RUBCN: variants seen among roughly 807,000 people sequenced by gnomAD.
The protein encoded by RUBCN is run domain Beclin-1-interacting and cysteine-rich domain-containing protein.
A neutral mutation model predicts 113.2 loss-of-function variants in RUBCN; 74 were observed. The ratio of observed to expected loss-of-function variants is 0.65; its 90% CI spans 0.54 to 0.79. The LOEUF is 0.79. Ranked by LOEUF, RUBCN falls within the 30% of genes least tolerant of loss-of-function variation. The probability of loss-of-function intolerance (pLI) is 0.00; values close to 1 mark genes in which losing one functional copy is unlikely to be tolerated. For missense variants in RUBCN, 1,109 were observed against 1,251.7 expected (o/e 0.89, Z 1.72); for synonymous variants, 480 against 490.0 (o/e 0.98, Z 0.27).
chr3:197,721,793 TC>T (rs1428721617), intron 1 of RUBCN, among the ~76,000 whole-genome samples: 1 of 152,198 alleles, frequency 6.6e-6, no homozygotes, highest in African/African-American at 2.4e-5. Context: ...GTTTCCACTG[TC>T]ATTTGTCTCA....
chr3:197,742,759 T>C (rs977681406), intron 1 of RUBCN, among the ~76,000 whole-genome samples: 10 of 152,244 alleles, frequency 6.6e-5, no homozygotes, highest in African/African-American at 2.4e-4. Flanking sequence ...GAGGAATGCC[T>C]GAAGACCCGC....
At chr3:197,684,655 TATACATATATA>T (rs1257033893) in intron 11 of RUBCN, among the ~76,000 whole-genome samples, 5 of 151,682 alleles carry the variant, frequency 3.3e-5, no homozygotes, top group Middle Eastern at 3.5e-3. Flanking sequence ...CTTATATATA[TATACATATATA>T]TATACACACA....
At position 197,682,338 on chromosome 3, in the gene RUBCN, C is replaced by A. The variant is rs75774903; in HGVS notation, c.2126+132G>T. Reference sequence around the variant, plus strand: ...GAAGGACCAAATGGACGACGCCCCCCCTCTGCCTTTAAATGAAGAGAACGG... The same window carrying A: ...GAAGGACCAAATGGACGACGCCCCCACTCTGCCTTTAAATGAAGAGAACGG... On this transcript the variant is annotated intron_variant, in intron 14 of 19. Transcript: ENST00000296343. 63 of 1,070,286 alleles carry A rather than the reference C, an allele frequency of 5.9e-5. No homozygotes were observed. In the Middle Eastern group the frequency reaches 1.2e-3, roughly 20 times the overall value. The allele number at this position is 1,070,286 out of a possible 1,614,324, so 66.3% of individuals were successfully genotyped here.
chr3:197,676,414 A>G, intron 18 of RUBCN: 2 of 763,780 alleles, frequency 2.6e-6, no homozygotes, highest in Non-Finnish European at 3.3e-6. Flanking sequence ...CCTGGATTCA[A>G]GCAATTCTCC....
rs537509579 is a variant in RUBCN, at chr3:197,670,014, G to A, written c.*5004C>T. The stretch of plus-strand genomic sequence containing the variant: ...AGCAATTCTCCTGTCTCAACCTCGC[G>A]AGTAGCTGGGATTACAGGCGCCCGC... On this transcript the variant is annotated 3_prime_UTR_variant, in exon 20 of 20. Transcript: ENST00000296343. Among the ~76,000 whole-genome samples the A allele has an allele frequency of 1.3e-5, 2 of 152,240 alleles. No homozygotes were observed. The highest frequency in any genetic ancestry group is 4.8e-5 in the African/African-American group (2 of 41,534).
chr3:197,668,983 CG>C lies in RUBCN; in HGVS notation c.*6034del, dbSNP rs1174315355. Among the ~76,000 whole-genome samples, 1 of 151,896 alleles carries C rather than the reference CG, an allele frequency of 6.6e-6. No individual in the cohort carries two copies. Among genetic ancestry groups the C allele is most frequent in the East Asian group, 1.9e-4 (1 of 5,188 alleles). On this transcript the variant is annotated 3_prime_UTR_variant, in exon 20 of 20. Transcript: ENST00000296343. ...TCTAACAGAACCACACTAATTTTTA[CG>C]TATGTTTTCCTTATGTATTTTTTCT...
intron 1 of RUBCN, among the ~76,000 whole-genome samples, chr3:197,726,704 C>G (rs577094405): frequency 1.3e-4 from 20 of 150,216 alleles, no homozygotes; most frequent in African/African-American, 4.9e-4. Context: ...CCAAACCCAG[C>G]TAATTTTTGT....
rs1005685798 is a variant in RUBCN, at chr3:197,670,032, G to A, written c.*4986C>T. Among the ~76,000 whole-genome samples, 36 of 152,158 alleles carry A rather than the reference G, an allele frequency of 2.4e-4. No homozygotes were observed. The highest frequency in any genetic ancestry group is 2.9e-5 in the Non-Finnish European group (2 of 68,036). The stretch of plus-strand genomic sequence containing the variant: ...ACCTCGCGAGTAGCTGGGATTACAG[G>A]CGCCCGCCATCATGCCCAACTAGCT... On this transcript the variant is annotated 3_prime_UTR_variant, in exon 20 of 20. Transcript: ENST00000296343.
Position 197,681,881 on chromosome 3 carries a change from G to C in RUBCN, c.2145C>G (p.Ala715=), listed in dbSNP as rs1216016949. ...HPAPTRKIAV[A]KQNYRCAGCG... is the part of the protein sequence containing the mutation. ...ATCCTGCACAGCGGTAATTCTGCTTGGCCACGGCAATTTTCCTCCTGAGGA... is the reference window on the plus strand; with the variant it reads ...ATCCTGCACAGCGGTAATTCTGCTTCGCCACGGCAATTTTCCTCCTGAGGA... The change falls in exon 15 of 20, where the codon GCC becomes GCG. Residue 715 remains alanine, a synonymous_variant. Transcript: ENST00000296343. This position sits in a 1 kb window ranked among gnomAD's most constrained non-coding sequence, Gnocchi z 5.5. 1 of 1,613,864 alleles carries C rather than the reference G, an allele frequency of 6.2e-7. No homozygotes were observed. Among genetic ancestry groups the C allele is most frequent in the Admixed American group, 1.7e-5 (1 of 60,014 alleles).
rs943826370 is a variant in RUBCN, at chr3:197,701,078, A to C, written c.796T>G (p.Ser266Ala). 2 of 1,603,922 alleles carry C rather than the reference A, an allele frequency of 1.2e-6. No homozygotes were observed. The highest frequency in any genetic ancestry group is 2.7e-5 in the African/African-American group (2 of 74,742). ...TGGATGGTTTGATCCTCTGCTGGTG[A>C]GACGTGCCCTCTGCTTTCTTGAGGT... ...RKPQESRGHV[S>A]PAEDQTIQAP... Residue 266 changes from serine to alanine, a missense_variant, in exon 7 of 20, where the codon TCA (serine) becomes GCA (alanine). Physicochemically the swap from Ser to Ala is moderately conservative, Grantham distance 99. Transcript: ENST00000296343.
Position 197,675,397 on chromosome 3 carries a change from G to T in RUBCN, c.2740+25C>A. The T allele has an allele frequency of 6.3e-7, 1 of 1,593,626 alleles. No individual in the cohort carries two copies. The highest frequency in any genetic ancestry group is 8.6e-7 in the Non-Finnish European group (1 of 1,162,156). ...AGGAGCCCTGTGTTCAGGCTCACTT[G>T]CCCGATGCCTGCACCTGCCCTCACC... is the stretch of plus-strand genomic sequence containing the variant. On this transcript the variant is annotated intron_variant, in intron 19 of 19. Transcript: ENST00000296343. The surrounding 1 kb of genome is among the most constrained non-coding windows in gnomAD (Gnocchi z 4.4).
intron 7 of RUBCN, among the ~76,000 whole-genome samples, chr3:197,699,854 G>A (rs1723440827): frequency 6.6e-6 from 1 of 151,726 alleles, no homozygotes; most frequent in Non-Finnish European, 1.5e-5. Context: ...TTTATTTCTG[G>A]GGCTTTCCTG....
chr3:197,709,523 G>A (rs533595051), intron 2 of RUBCN, among the ~76,000 whole-genome samples: 79 of 152,260 alleles, frequency 5.2e-4, no homozygotes, highest in African/African-American at 1.9e-3. Flanking sequence ...TGGGATTACA[G>A]GCTTGCGCCA....
Position 197,682,467 on chromosome 3 carries a change from C to CA in RUBCN, c.2126+2dup, listed in dbSNP as rs1392009495. 3 of 1,614,052 alleles carry CA rather than the reference C, an allele frequency of 1.9e-6. No individual in the cohort carries two copies. Among genetic ancestry groups the CA allele is most frequent in the Non-Finnish European group, 2.5e-6 (3 of 1,180,036 alleles). Reference sequence around the variant, plus strand: ...CCAAAGGGCACAGACACTGGCCACTCACGTTGGGGCTGGATGAACATTAAA... The same window carrying CA: ...CCAAAGGGCACAGACACTGGCCACTCAACGTTGGGGCTGGATGAACATTAAA... On this transcript the variant is annotated splice_region_variant and intron_variant, in intron 14 of 19. Transcript: ENST00000296343.
intron 2 of RUBCN, among the ~76,000 whole-genome samples, chr3:197,712,532 A>G (rs941366499): frequency 6.6e-6 from 1 of 152,130 alleles, no homozygotes; most frequent in Non-Finnish European, 1.5e-5. Context: ...GAAAGCGAAA[A>G]ACAAGTTCTT....
At chr3:197,739,832 T>C (rs980411831), upstream of RUBCN, among the ~76,000 whole-genome samples, 2 of 152,150 alleles carry the variant, frequency 1.3e-5, no homozygotes, top group East Asian at 3.9e-4. Flanking sequence ...CACCAGGAGT[T>C]CGAAACCAGC....
At chr3:197,694,034 G>C (rs933973723) in intron 10 of RUBCN, 2 of 549,222 alleles carry the variant, frequency 3.6e-6, no homozygotes, top group African/African-American at 3.8e-5. Flanking sequence ...ATTTGGGAAG[G>C]GAGCTATTCC....
At chr3:197,740,310 A>C (rs1164991160), upstream of RUBCN, among the ~76,000 whole-genome samples, 1 of 149,694 alleles carries the variant, frequency 6.7e-6, no homozygotes, top group Non-Finnish European at 1.5e-5. Flanking sequence ...AAAATACAAA[A>C]TACAAAAAAT....
chr3:197,748,647 A>G (rs1343502677), intron 1 of RUBCN, among the ~76,000 whole-genome samples: 1 of 152,224 alleles, frequency 6.6e-6, no homozygotes, highest in African/African-American at 2.4e-5. Flanking sequence ...ATATACAGGA[A>G]ACGTTCACAT....
Sources: allele counts gnomAD v4.1 joint callset (sites outside exome capture counted in the v4.1 genomes callset), GRCh38; gene constraint gnomAD v4.1.1; non-coding constraint Gnocchi (gnomAD v3.1); transcripts MANE v1.5; gene names NCBI Gene and HGNC (gene_info 2026-07-23, HGNC 2026-07-21).